ST7: variants seen among roughly 807,000 people sequenced by gnomAD.
ST7 encodes the protein suppressor of tumorigenicity 7 protein.
A neutral mutation model predicts 78.7 loss-of-function variants in ST7; 28 were observed. That is an observed-to-expected ratio of 0.36 (90% CI 0.26 to 0.49). ST7 has a LOEUF of 0.49. Ranked by LOEUF, ST7 falls within the 20% of genes least tolerant of loss-of-function variation. The pLI, the probability that ST7 is intolerant of heterozygous loss-of-function variation, is 0.99. For missense variants in ST7, 418 were observed against 696.0 expected, an observed-to-expected ratio of 0.60 and a Z score of 4.49; for synonymous variants, 247 against 249.6, an observed-to-expected ratio of 0.99 and a Z score of 0.10.
intron 13 of ST7, among the ~76,000 whole-genome samples, chr7:117,212,702 T>A (rs553612622): frequency 6.6e-6 from 1 of 152,268 alleles, no homozygotes; most frequent in Admixed American, 6.5e-5. Flanking sequence ...TAATTTCTTT[T>A]TTCTTCATAT....
At chr7:117,095,369 A>G (rs1473706597) in intron 1 of ST7, among the ~76,000 whole-genome samples, 1 of 152,186 alleles carries the variant, frequency 6.6e-6, no homozygotes, top group East Asian at 1.9e-4. Context: ...CTGCTGTATT[A>G]TCCTCTTACC....
chr7:116,988,864 A>G (rs1456231925), intron 1 of ST7, among the ~76,000 whole-genome samples: 1 of 152,230 alleles, frequency 6.6e-6, no homozygotes, highest in Non-Finnish European at 1.5e-5. Context: ...ATGCTGTGAA[A>G]CATATATATA....
chr7:116,997,903 C>T (rs1165080049), intron 1 of ST7, among the ~76,000 whole-genome samples: 2 of 152,258 alleles, frequency 1.3e-5, no homozygotes, highest in Admixed American at 6.5e-5. Flanking sequence ...CTTCAAGTCC[C>T]CACCAGACTC....
chr7:117,088,522 C>T (rs1800332516), intron 1 of ST7, among the ~76,000 whole-genome samples: 1 of 152,192 alleles, frequency 6.6e-6, no homozygotes, highest in Admixed American at 6.5e-5. Context: ...TAACAATTAT[C>T]TGTTCAAACA....
intron 9 of ST7, among the ~76,000 whole-genome samples, chr7:117,141,284 G>A (rs1476108873): frequency 6.6e-6 from 1 of 152,074 alleles, no homozygotes; most frequent in Non-Finnish European, 1.5e-5. Context: ...CATGTAGAAA[G>A]CAGAATCGTT....
intron 1 of ST7, among the ~76,000 whole-genome samples, chr7:117,047,277 GC>G (rs1797539864): frequency 6.6e-6 from 1 of 152,128 alleles, no homozygotes; most frequent in Admixed American, 6.5e-5. Context: ...AAACATTTAA[GC>G]AAAGAGGATT....
At chr7:117,167,072 T>A (rs35736828) in intron 9 of ST7, among the ~76,000 whole-genome samples, 1 of 117,764 alleles carries the variant, frequency 8.5e-6, no homozygotes, top group Non-Finnish European at 1.6e-5. Context: ...TTTTACTTTG[T>A]TTTTTTTAAT....
intron 2 of ST7, among the ~76,000 whole-genome samples, chr7:117,104,432 T>A (rs141970637): frequency 2.0e-5 from 3 of 152,240 alleles, no homozygotes; most frequent in East Asian, 3.9e-4. Context: ...AGAGCGAGAC[T>A]CCGTCTCAAA....
At chr7:117,098,883 T>G in intron 1 of ST7, 1 of 1,227,178 alleles carries the variant, frequency 8.1e-7, no homozygotes, top group Non-Finnish European at 1.1e-6. Context: ...TAACAATGAC[T>G]TAAAATATAT....
intron 13 of ST7, among the ~76,000 whole-genome samples, chr7:117,215,792 G>A (rs1429750286): frequency 6.6e-6 from 1 of 152,174 alleles, no homozygotes; most frequent in East Asian, 1.9e-4. Flanking sequence ...GCTCCATGAG[G>A]GCAGGGGCAG....
intron 10 of ST7, among the ~76,000 whole-genome samples, chr7:117,171,204 A>G (rs1418375648): frequency 6.6e-6 from 1 of 152,102 alleles, no homozygotes; most frequent in Non-Finnish European, 1.5e-5. Context: ...TTCCCTCCGT[A>G]CAGGCTCCCC....
chr7:117,109,765 T>C (rs927267849), intron 2 of ST7, among the ~76,000 whole-genome samples: 14 of 152,180 alleles, frequency 9.2e-5, no homozygotes, highest in Admixed American at 5.2e-4. Context: ...TCAATATCTC[T>C]GATGAACGTA....
At position 117,097,822 on chromosome 7, in the gene ST7, CTA is replaced by C. The variant is rs372192783; in HGVS notation, c.152-1920_152-1919del. On this transcript the variant is annotated intron_variant, in intron 1 of 15. Coordinates refer to ENST00000323984, the MANE Select transcript of ST7 (RefSeq NM_001369598.1). ...CTGTTGCATGGGAAATGACATATCA[CTA>C]TATATATATATATATATATGTATGA... 9.1e-3 allele frequency among the ~76,000 whole-genome samples: 903 copies of C among 99,070 alleles called. 5 individuals carry two copies. Among genetic ancestry groups the C allele is most frequent in the Middle Eastern group, 0.019 (3 of 162 alleles). 65.0% of individuals were successfully genotyped at this position (99,070 alleles called of 152,430 possible). A position where few individuals can be genotyped will look rare whatever the true frequency, so the allele number is the denominator to read the frequency against.
intron 2 of ST7, among the ~76,000 whole-genome samples, chr7:117,106,953 T>C (rs1288524272): frequency 2.6e-5 from 4 of 151,742 alleles, no homozygotes; most frequent in Non-Finnish European, 2.9e-5. Context: ...TGCGTCCTCA[T>C]AGTTTAGCTC....
chr7:116,969,126 G>A (rs1793289320), intron 1 of ST7, among the ~76,000 whole-genome samples: 1 of 152,146 alleles, frequency 6.6e-6, no homozygotes, highest in African/African-American at 2.4e-5. Flanking sequence ...CCTTTTAGAT[G>A]TGGCAGTTTT....
At chr7:117,144,705 G>C (rs181890998) in intron 9 of ST7, among the ~76,000 whole-genome samples, 2 of 151,660 alleles carry the variant, frequency 1.3e-5, no homozygotes, top group East Asian at 3.9e-4. Flanking sequence ...ACCATGCCTT[G>C]AGAGTCACTT....
chr7:116,960,194 GT>G (rs1181327340), intron 1 of ST7, among the ~76,000 whole-genome samples: 2 of 148,926 alleles, frequency 1.3e-5, no homozygotes, highest in Non-Finnish European at 3.0e-5. Flanking sequence ...TTTTTGTTTT[GT>G]TTTTTTGTTT....
intron 9 of ST7, among the ~76,000 whole-genome samples, chr7:117,151,379 A>T (rs1218263761): frequency 6.6e-6 from 1 of 152,096 alleles, no homozygotes; most frequent in Non-Finnish European, 1.5e-5. Context: ...AGCTTGCTTG[A>T]TCCTTTCTTA....
chr7:117,176,657 G>C (rs1241242490), intron 10 of ST7, among the ~76,000 whole-genome samples: 2 of 152,140 alleles, frequency 1.3e-5, no homozygotes, highest in African/African-American at 4.8e-5. Context: ...TGGTTAGGCT[G>C]TTTTCCATTT....
Sources: gnomAD v4.1 joint callset for allele counts (sites outside exome capture counted in the v4.1 genomes callset) on GRCh38, gnomAD v4.1.1 for gene constraint, MANE v1.5 for transcripts, NCBI Gene and HGNC (gene_info 2026-07-23, HGNC 2026-07-21) for gene names.